The following PCDH1 variants were observed in gnomAD, a reference collection of about 807,000 sequenced individuals.
The protein encoded by PCDH1 is protocadherin 1, also known as protocadherin-1.
PCDH1 carries 23 observed loss-of-function variants against 74.6 expected under a neutral mutation model. That is an observed-to-expected ratio of 0.31 (90% CI 0.22 to 0.44). The LOEUF (loss-of-function observed/expected upper bound fraction) is 0.44, where lower values mean the gene tolerates loss of function less well. PCDH1 is among the 20% of genes least tolerant of loss of function. The pLI is 1.00. For missense variants in PCDH1, 1,214 were observed against 1,641.4 expected (o/e 0.74, Z 4.50); for synonymous variants, 647 against 686.1 (o/e 0.94, Z 0.89).
chr5:141,873,485 T>C (rs1349743235), intron 1 of PCDH1, among the ~76,000 whole-genome samples: 3 of 149,800 alleles, frequency 2.0e-5, no homozygotes, highest in East Asian at 2.0e-4. Flanking sequence ...CTTGCTCTGT[T>C]GCCCAGGCTG....
rs1404695105 is a variant in PCDH1 at position 141,864,024 on chromosome 5, T to G, written c.2307A>C (p.Ser769=). 2 of 1,613,928 alleles carry G rather than the reference T, an allele frequency of 1.2e-6. No homozygotes were observed. The highest frequency in any genetic ancestry group is 1.7e-6 in the Non-Finnish European group (2 of 1,180,006). ...GNPYGLFQIG[S]HSGAITLEKE... is the part of the protein sequence containing the mutation. ...TCTCCAGGGTGATGGCACCTGAATG[T>G]GACCCAATCTGGAAGAGTCCATAAG... Residue 769 remains serine, a synonymous_variant, in exon 3 of 5, where the codon TCA becomes TCC. Transcript: ENST00000287008. The surrounding 1 kb of genome is among the most constrained non-coding windows in gnomAD (Gnocchi z 5.9).
At position 141,854,008 on chromosome 5, in the gene PCDH1, C is replaced by CT. The variant is rs1346003991; in HGVS notation, c.*33dup. 1 of 1,470,638 alleles carries CT rather than the reference C, an allele frequency of 6.8e-7. No homozygotes were observed. The highest frequency in any genetic ancestry group is 2.4e-5 in the East Asian group (1 of 42,446). 91.1% of individuals were successfully genotyped at this position (1,470,638 alleles called of 1,614,324 possible). On this transcript the variant is annotated 3_prime_UTR_variant, in exon 5 of 5. Coordinates refer to ENST00000287008, the MANE Select transcript of PCDH1 (RefSeq NM_032420.5). ...GGGCCATTTGGGAGCTGGCCGGCGG[C>CT]TGGGGGAGGGGGGCCGGCCGGCCAG...
At chr5:141,855,829 G>T (rs1752313532) in intron 4 of PCDH1, among the ~76,000 whole-genome samples, 1 of 152,178 alleles carries the variant, frequency 6.6e-6, no homozygotes, top group Non-Finnish European at 1.5e-5. Flanking sequence ...TTGGCTGCCT[G>T]ACATCAGCAG....
intron 4 of PCDH1, among the ~76,000 whole-genome samples, chr5:141,855,962 C>A (rs545135835): frequency 6.6e-6 from 1 of 150,938 alleles, no homozygotes; most frequent in South Asian, 2.1e-4. Context: ...TGACCCCCCC[C>A]CACCCCCAAG....
Position 141,868,582 on chromosome 5 carries a change from T to C in PCDH1, c.890A>G (p.His297Arg). 6.5e-7 allele frequency: 1 copy of C among 1,531,522 alleles called. No individual in the cohort carries two copies. The highest frequency in any genetic ancestry group is 1.8e-4 in the Middle Eastern group (1 of 5,642). 94.9% of individuals were successfully genotyped at this position (1,531,522 alleles called of 1,614,324 possible). A position where few individuals can be genotyped will look rare whatever the true frequency, so the allele number is the denominator to read the frequency against. The change falls in exon 2 of 5, where the codon CAC becomes CGC. Residue 297 changes from histidine (H) to arginine (R), a missense_variant. Around this residue, in one of 4 missense-constraint regions of PCDH1, gnomAD observed 836 missense variants for 1,182.2 expected, o/e 0.71. Transcript: ENST00000287008. The surrounding 1 kb of genome is among the most constrained non-coding windows in gnomAD (Gnocchi z 4.8). The stretch of plus-strand genomic sequence containing the variant: ...GGGGCCTCTCACCTGGATGACCGAG[T>C]GGCCTATGGGGCTATTCTCAGATAG... ...AELSENSPIG[H>R]SVIQVKANDS... is the part of the protein sequence containing the mutation.
At chr5:141,873,935 T>C (rs892869661) in intron 1 of PCDH1, among the ~76,000 whole-genome samples, 5 of 152,152 alleles carry the variant, frequency 3.3e-5, no homozygotes, top group Admixed American at 6.5e-5. Context: ...GATGATCAAA[T>C]GGGGGCTGAG....
chr5:141,855,111 A>G (rs1752282860), intron 4 of PCDH1, among the ~76,000 whole-genome samples: 1 of 151,836 alleles, frequency 6.6e-6, no homozygotes. Flanking sequence ...ATCTGTGACT[A>G]TAGGCATGCA....
chr5:141,861,213 C>T (rs1277098673), intron 3 of PCDH1, among the ~76,000 whole-genome samples: 3 of 151,252 alleles, frequency 2.0e-5, no homozygotes, highest in Non-Finnish European at 2.9e-5. Flanking sequence ...ACTTCTCATT[C>T]GACTCAAGAC....
At position 141,868,849 on chromosome 5, in the gene PCDH1, T is replaced by C. The variant is rs1398992285; in HGVS notation, c.623A>G (p.Gln208Arg). 1 of 1,614,222 alleles carries C rather than the reference T, an allele frequency of 6.2e-7. No individual in the cohort carries two copies. Among genetic ancestry groups the C allele is most frequent in the South Asian group, 1.1e-5 (1 of 91,086 alleles). ...TAGCTCCTGGGCCTCAGGCCCAGCC[T>C]GCAGCTCATAGGATGCCACACCGTT... ...GPNGVASYELQAGPEAQELFG... is the reference protein window; with the variant it reads ...GPNGVASYELRAGPEAQELFG... Residue 208 changes from glutamine (Q) to arginine (R), a missense_variant, in exon 2 of 5, where the codon CAG becomes CGG. Coordinates refer to ENST00000287008, the MANE Select transcript of PCDH1 (RefSeq NM_032420.5). This position sits in a 1 kb window ranked among gnomAD's most constrained non-coding sequence, Gnocchi z 4.8.
chr5:141,863,345 C>T lies in PCDH1; in HGVS notation c.2986G>A (p.Asp996Asn), dbSNP rs773411608. 6.5e-7 allele frequency: 1 copy of T among 1,548,354 alleles called. No individual in the cohort carries two copies. Among genetic ancestry groups the T allele is most frequent in the Non-Finnish European group, 8.7e-7 (1 of 1,147,026 alleles). The change falls in exon 3 of 5, where the codon GAC becomes AAC. Residue 996 changes from aspartate (D) to asparagine (N), a missense_variant. Physicochemically the swap from Asp to Asn is conservative, Grantham distance 23. Coordinates refer to ENST00000287008, the MANE Select transcript of PCDH1 (RefSeq NM_032420.5). The surrounding 1 kb of genome is among the most constrained non-coding windows in gnomAD (Gnocchi z 7.5). ...SASKKHQVVQDLPPANTFVGT... is the reference protein window; with the variant it reads ...SASKKHQVVQNLPPANTFVGT... Reference sequence around the variant, plus strand: ...ACGAATGTGTTTGCAGGTGGCAGGTCCTGTACCACCTGGTGCTTCTTGGAG... The same window carrying T: ...ACGAATGTGTTTGCAGGTGGCAGGTTCTGTACCACCTGGTGCTTCTTGGAG...
Position 141,878,078 on chromosome 5 carries a change from C to A in PCDH1, c.40+145G>T. ...CGCATCCCCTGCTATGGGCTCCCAG[C>A]AGCCCCCACCTCAGCCCCCTCGCGC... On this transcript the variant is annotated intron_variant, in intron 1 of 4. Coordinates refer to ENST00000287008, the MANE Select transcript of PCDH1 (RefSeq NM_032420.5). This position sits in a 1 kb window ranked among gnomAD's most constrained non-coding sequence, Gnocchi z 5.5. 1 of 645,210 alleles carries A rather than the reference C, an allele frequency of 1.5e-6. No homozygotes were observed. The highest frequency in any genetic ancestry group is 2.3e-6 in the Non-Finnish European group (1 of 440,962). 40.0% of individuals were successfully genotyped at this position (645,210 alleles called of 1,614,324 possible).
intron 1 of PCDH1, among the ~76,000 whole-genome samples, chr5:141,875,144 A>G (rs375097081): frequency 6.6e-6 from 1 of 152,224 alleles, no homozygotes; most frequent in East Asian, 1.9e-4. Flanking sequence ...TCTCATGCCT[A>G]TAAGGTCTAT....
Position 141,878,184 on chromosome 5 carries a change from C to T in PCDH1, c.40+39G>A, listed in dbSNP as rs750708054. 11 of 1,432,618 alleles carry T rather than the reference C, an allele frequency of 7.7e-6. No individual in the cohort carries two copies. The South Asian group carries it at 1.5e-4, about 19-fold the overall frequency. 88.7% of individuals were successfully genotyped at this position (1,432,618 alleles called of 1,614,324 possible). Reference sequence around the variant, plus strand: ...CCCGCCGGCCATGACCGCTTCGGGCCCCAAGCCGCTGCTGCCTCCACCGCC... The same window carrying T: ...CCCGCCGGCCATGACCGCTTCGGGCTCCAAGCCGCTGCTGCCTCCACCGCC... On this transcript the variant is annotated intron_variant, in intron 1 of 4. Transcript: ENST00000287008. This position sits in a 1 kb window ranked among gnomAD's most constrained non-coding sequence, Gnocchi z 5.5.
Position 141,864,546 on chromosome 5 carries a change from T to C in PCDH1, c.1785A>G (p.Thr595=), listed in dbSNP as rs753677125. 2 of 1,614,114 alleles carry C rather than the reference T, an allele frequency of 1.2e-6. No homozygotes were observed. Among genetic ancestry groups the C allele is most frequent in the Non-Finnish European group, 1.7e-6 (2 of 1,180,030 alleles). Residue 595 remains threonine (T), a synonymous_variant, in exon 3 of 5, where the codon ACA becomes ACG. Coordinates refer to ENST00000287008, the MANE Select transcript of PCDH1 (RefSeq NM_032420.5). The surrounding 1 kb of genome is among the most constrained non-coding windows in gnomAD (Gnocchi z 5.9). The stretch of plus-strand genomic sequence containing the variant: ...CCAGCACATTGACAAGGACAGTGGC[T>C]GTGCCCTGGAGGCTAGGACTGCCCC... ...ADRGSPSLQG[T]ATVLVNVLDC... is the part of the protein sequence containing the mutation.
rs140436192 is a variant in PCDH1 at position 141,854,256 on chromosome 5, G to T, written c.3500C>A (p.Ala1167Glu). 6.2e-7 allele frequency: 1 copy of T among 1,611,956 alleles called. No individual in the cohort carries two copies. The highest frequency in any genetic ancestry group is 1.7e-5 in the Admixed American group (1 of 59,786). The change falls in exon 5 of 5, where the codon GCG (alanine) becomes GAG (glutamate). Residue 1167 changes from alanine (A) to glutamate (E), a missense_variant. This residue lies in a region of PCDH1 where 194 missense variants were observed against 198.3 expected (regional missense o/e 0.98). Transcript: ENST00000287008. ...CGGGGGGCTGGGGCTGCCGGCGCCC[G>T]CAGGCTCCTGCCCTCCTCGGTCCTG... ...PYQDRGGQEPAGAGSPSPPED... is the reference protein window; with the variant it reads ...PYQDRGGQEPEGAGSPSPPED...
At position 141,869,211 on chromosome 5, in the gene PCDH1, C is replaced by T. The variant is rs146551718; in HGVS notation, c.261G>A (p.Gly87=). 6.8e-6 allele frequency: 11 copies of T among 1,613,944 alleles called. No homozygotes were observed. Among genetic ancestry groups the T allele is most frequent in the Non-Finnish European group, 9.3e-6 (11 of 1,179,982 alleles). The part of the protein sequence containing the change: ...LAADYGFPDV[G]HLYKLEVGAP... ...CACCCACCTCTAGCTTGTACAGGTGCCCCACATCTGGAAAACCATAGTCGG... is the reference window on the plus strand; with the variant it reads ...CACCCACCTCTAGCTTGTACAGGTGTCCCACATCTGGAAAACCATAGTCGG... The change falls in exon 2 of 5, where the codon GGG becomes GGA. Residue 87 remains glycine (G), a synonymous_variant. Coordinates refer to ENST00000287008, the MANE Select transcript of PCDH1 (RefSeq NM_032420.5). This position sits in a 1 kb window ranked among gnomAD's most constrained non-coding sequence, Gnocchi z 4.9.
In PCDH1 at chr5:141,867,301, C is replaced by T. The variant is rs1023884789; in HGVS notation, c.903+1268G>A. Among the ~76,000 whole-genome samples the T allele has an allele frequency of 3.3e-5, 5 of 152,324 alleles. No homozygotes were observed. The South Asian group carries it at 8.3e-4, about 25-fold the overall frequency. On this transcript the variant is annotated intron_variant, in intron 2 of 4. Transcript: ENST00000287008. Reference sequence around the variant, plus strand: ...CTGCTTACTCTCTGCCCTACTCTCCCGCTTCACCTCACTGGGAGGTGGTAA... The same window carrying T: ...CTGCTTACTCTCTGCCCTACTCTCCTGCTTCACCTCACTGGGAGGTGGTAA...
chr5:141,861,788 C>T (rs988480494), intron 3 of PCDH1, among the ~76,000 whole-genome samples: 4 of 151,406 alleles, frequency 2.6e-5, no homozygotes, highest in Non-Finnish European at 5.9e-5. Flanking sequence ...CCCTCAGCCA[C>T]GATTTAGCCT....
chr5:141,878,193 C>T lies in PCDH1; in HGVS notation c.40+30G>A, dbSNP rs1753289425. On this transcript the variant is annotated intron_variant, in intron 1 of 4. Transcript: ENST00000287008. The surrounding 1 kb of genome is among the most constrained non-coding windows in gnomAD (Gnocchi z 5.5). ...CATGACCGCTTCGGGCCCCAAGCCG[C>T]TGCTGCCTCCACCGCCGCCGGATCC... The T allele has an allele frequency of 7.0e-7, 1 of 1,433,026 alleles. No homozygotes were observed. The highest frequency in any genetic ancestry group is 9.1e-7 in the Non-Finnish European group (1 of 1,095,386). The allele number at this position is 1,433,026 out of a possible 1,614,324, so 88.8% of individuals were successfully genotyped here.
Sources: allele counts gnomAD v4.1 joint callset (sites outside exome capture counted in the v4.1 genomes callset), GRCh38; gene constraint gnomAD v4.1.1; regional missense constraint gnomAD v4.1.1; non-coding constraint Gnocchi (gnomAD v3.1); transcripts MANE v1.5; gene names NCBI Gene and HGNC (gene_info 2026-07-23, HGNC 2026-07-21).